The following RHOU variants were observed in gnomAD, a reference collection of about 807,000 sequenced individuals.
The protein encoded by RHOU is rho-related GTP-binding protein RhoU.
In RHOU, 8 loss-of-function variants were observed where a neutral mutation model predicts 12.6. That is an observed-to-expected ratio of 0.64 (90% confidence interval 0.37 to 1.15). The LOEUF (loss-of-function observed/expected upper bound fraction) is 1.15. RHOU is among the 50% of genes most tolerant of loss of function. RHOU has a pLI of 0.01. For synonymous variants in RHOU, 161 were observed against 147.4 expected, an observed-to-expected ratio of 1.09 and a Z score of -0.67; for missense variants, 258 against 347.0, an observed-to-expected ratio of 0.74 and a Z score of 2.04.
the RHOU span, among the ~76,000 whole-genome samples, chr1:228,728,266 C>T: frequency 6.6e-6 from 1 of 152,208 alleles, no homozygotes; most frequent in African/African-American, 2.4e-5. Flanking sequence ...AGCCTTTCTC[C>T]TCTAGGCAAA....
the RHOU span, among the ~76,000 whole-genome samples, chr1:228,705,280 T>C: frequency 6.6e-6 from 1 of 152,204 alleles, no homozygotes. Context: ...ATTATTTATT[T>C]GGAATGTTCC....
chr1:228,687,730 A>G, the RHOU span: 4 of 1,444,708 alleles, frequency 2.8e-6, no homozygotes, highest in Non-Finnish European at 3.8e-6. Flanking sequence ...TTGGGTGAGC[A>G]CGTGACCAAC....
the RHOU span, among the ~76,000 whole-genome samples, chr1:228,669,074 GTGTGAAACT>G: frequency 2.0e-5 from 3 of 152,210 alleles, no homozygotes; most frequent in Non-Finnish European, 4.4e-5. Context: ...TGCCATGTTT[GTGTGAAACT>G]TGACAACAGG....
the RHOU span, chr1:228,647,893 G>T: frequency 6.6e-6 from 1 of 152,264 alleles, no homozygotes; most frequent in Admixed American, 6.5e-5. Flanking sequence ...TAAAGAGGGA[G>T]GAACTTGAAG....
At chr1:228,702,524 C>T in the RHOU span, among the ~76,000 whole-genome samples, 6 of 152,218 alleles carry the variant, frequency 3.9e-5, no homozygotes, top group East Asian at 1.9e-4. Context: ...CATATGTTAC[C>T]AAGGTCACCT....
At chr1:228,717,147 A>C in the RHOU span, among the ~76,000 whole-genome samples, 1 of 152,224 alleles carries the variant, frequency 6.6e-6, no homozygotes, top group Admixed American at 6.5e-5. Context: ...CTGAAACAAA[A>C]GCATTTCCTT....
the RHOU span, among the ~76,000 whole-genome samples, chr1:228,692,047 A>G: frequency 6.6e-6 from 1 of 152,264 alleles, no homozygotes; most frequent in Non-Finnish European, 1.5e-5. Flanking sequence ...GCTTTTAACC[A>G]TAAATACTTT....
At chr1:228,721,557 C>T in the RHOU span, among the ~76,000 whole-genome samples, 7 of 152,178 alleles carry the variant, frequency 4.6e-5, no homozygotes, top group South Asian at 4.1e-4. Context: ...GTCTGTTTAC[C>T]GACACAACCA....
chr1:228,664,162 T>A, the RHOU span, among the ~76,000 whole-genome samples: 1 of 151,078 alleles, frequency 6.6e-6, no homozygotes, highest in African/African-American at 2.4e-5. Flanking sequence ...GGACTACAGA[T>A]GTGTGCCACC....
the RHOU span, among the ~76,000 whole-genome samples, chr1:228,655,786 A>G: frequency 6.6e-6 from 1 of 152,256 alleles, no homozygotes; most frequent in Non-Finnish European, 1.5e-5. Context: ...GGGGAAATGT[A>G]AAAGTTGTCA....
the RHOU span, among the ~76,000 whole-genome samples, chr1:228,661,898 C>T: frequency 6.6e-6 from 1 of 152,146 alleles, no homozygotes; most frequent in Non-Finnish European, 1.5e-5. Context: ...AGGTAATCTA[C>T]AGAATGGGAG....
At chr1:228,718,521 T>C in the RHOU span, among the ~76,000 whole-genome samples, 151,603 of 152,254 alleles carry the variant, frequency 1, 75,478 homozygotes, top group East Asian at 1. Context: ...CCTTTGCCAG[T>C]CTAGAAGAGT....
the RHOU span, among the ~76,000 whole-genome samples, chr1:228,721,393 T>G: frequency 6.6e-6 from 1 of 152,374 alleles, no homozygotes; most frequent in Non-Finnish European, 1.5e-5. Context: ...GAGAATATTT[T>G]TCTTTCTAAA....
the RHOU span, among the ~76,000 whole-genome samples, chr1:228,679,972 A>G: frequency 6.6e-6 from 1 of 152,172 alleles, no homozygotes; most frequent in Admixed American, 6.5e-5. Context: ...GGATAACTAA[A>G]AAGGAGTGCA....
the RHOU span, among the ~76,000 whole-genome samples, chr1:228,712,871 A>C: frequency 7.1e-6 from 1 of 140,380 alleles, no homozygotes; most frequent in Non-Finnish European, 1.5e-5. Flanking sequence ...ATAAAATAAA[A>C]TAAAATACCC....
the RHOU span, among the ~76,000 whole-genome samples, chr1:228,662,590 C>A: frequency 4.7e-5 from 7 of 148,938 alleles, no homozygotes; most frequent in Non-Finnish European, 7.4e-5. Context: ...GACAGAAAAC[C>A]AAACACTGCA....
chr1:228,647,077 G>A, the RHOU span, among the ~76,000 whole-genome samples: 1 of 152,196 alleles, frequency 6.6e-6, no homozygotes, highest in African/African-American at 2.4e-5. Context: ...GAGCCTTAGA[G>A]AGGAAGCACC....
At chr1:228,673,897 G>T in the RHOU span, among the ~76,000 whole-genome samples, 40 of 152,306 alleles carry the variant, frequency 2.6e-4, no homozygotes, top group Non-Finnish European at 5.1e-4. Context: ...TCTATTGAGC[G>T]TATCTAGTGC....
the RHOU span, among the ~76,000 whole-genome samples, chr1:228,648,357 C>T: frequency 2.6e-5 from 4 of 152,356 alleles, no homozygotes; most frequent in Admixed American, 2.6e-4. Context: ...GCCTCCATTC[C>T]GCCGACTCTC....
Sources: allele counts gnomAD v4.1 joint callset (sites outside exome capture counted in the v4.1 genomes callset), GRCh38; gene constraint gnomAD v4.1.1; transcripts MANE v1.5; gene names NCBI Gene and HGNC (gene_info 2026-07-23, HGNC 2026-07-21).